Variants in NDST3 observed in about 807,000 individuals in gnomAD.
The protein encoded by NDST3 is N-deacetylase and N-sulfotransferase 3, also known as bifunctional heparan sulfate N-deacetylase/N-sulfotransferase 3.
In NDST3, 58 loss-of-function variants were observed where a neutral mutation model predicts 96.1. That is an observed-to-expected ratio of 0.60 (90% CI 0.49 to 0.75). The LOEUF (loss-of-function observed/expected upper bound fraction) is 0.75. Ranked by LOEUF, NDST3 falls within the 30% of genes least tolerant of loss-of-function variation. The pLI is 0.00. For missense variants in NDST3, 788 were observed against 1,034.2 expected, an observed-to-expected ratio of 0.76 and a Z score of 3.27; for synonymous variants, 333 against 359.7, an observed-to-expected ratio of 0.93 and a Z score of 0.84.
At chr4:118,099,261 G>C (rs1560641779) in intron 2 of NDST3, among the ~76,000 whole-genome samples, 1 of 151,984 alleles carries the variant, frequency 6.6e-6, no homozygotes, top group Non-Finnish European at 1.5e-5. Context: ...GTTCTGCCAT[G>C]GTCATGTATG....
chr4:118,246,319 A>G (rs1046241633), intron 12 of NDST3, among the ~76,000 whole-genome samples: 2 of 152,216 alleles, frequency 1.3e-5, no homozygotes, highest in African/African-American at 4.8e-5. Context: ...AAGAAGCAAG[A>G]TTTAGGCTGG....
At chr4:118,162,521 T>C (rs1466970886) in intron 6 of NDST3, among the ~76,000 whole-genome samples, 1 of 151,854 alleles carries the variant, frequency 6.6e-6, no homozygotes, top group African/African-American at 2.4e-5. Context: ...ATTTAATAAA[T>C]GGTGCTGGGA....
At chr4:118,201,340 G>C (rs1165110858) in intron 6 of NDST3, among the ~76,000 whole-genome samples, 1 of 152,114 alleles carries the variant, frequency 6.6e-6, no homozygotes, top group East Asian at 1.9e-4. Context: ...CCCTGTTTTA[G>C]GTTCTTTGAG....
At position 118,116,632 on chromosome 4, in the gene NDST3, C is replaced by T. The variant is rs180942609; in HGVS notation, c.1224+1672C>T. Among the ~76,000 whole-genome samples the T allele has an allele frequency of 1.4e-4, 22 of 152,106 alleles. No homozygotes were observed. The East Asian group carries it at 2.7e-3, about 19-fold the overall frequency. On this transcript the variant is annotated intron_variant, in intron 4 of 13. Coordinates refer to ENST00000296499, the MANE Select transcript of NDST3 (RefSeq NM_004784.3). ...CAGCACTTTGGGAGGCCGAGGTGGGCGGATCACGAGGTCAGGAGATCGAGA... is the reference window on the plus strand; with the variant it reads ...CAGCACTTTGGGAGGCCGAGGTGGGTGGATCACGAGGTCAGGAGATCGAGA...
intron 2 of NDST3, among the ~76,000 whole-genome samples, chr4:118,082,095 C>T (rs1728069497): frequency 6.6e-6 from 1 of 152,140 alleles, no homozygotes; most frequent in Middle Eastern, 3.2e-3. Flanking sequence ...CACACAAATT[C>T]CTATCACAAA....
intron 6 of NDST3, among the ~76,000 whole-genome samples, chr4:118,211,412 C>A (rs1047957130): frequency 6.7e-6 from 1 of 150,286 alleles, no homozygotes; most frequent in Non-Finnish European, 1.5e-5. Flanking sequence ...GATTTTTATA[C>A]CATGAATATA....
chr4:118,173,890 G>A (rs966389770), intron 6 of NDST3, among the ~76,000 whole-genome samples: 38 of 152,170 alleles, frequency 2.5e-4, no homozygotes, highest in African/African-American at 8.0e-4. Flanking sequence ...AACACAAGCT[G>A]ATTCTTAAAC....
intron 6 of NDST3, among the ~76,000 whole-genome samples, chr4:118,148,944 A>C (rs1734166437): frequency 6.6e-6 from 1 of 152,134 alleles, no homozygotes; most frequent in Non-Finnish European, 1.5e-5. Context: ...AGGTGTAAGG[A>C]AGGGATCCAG....
rs539618590 is a variant in NDST3, at chr4:118,067,155, T to C, written c.981+12264T>C. Among the ~76,000 whole-genome samples, 386 of 151,594 alleles carry C rather than the reference T, an allele frequency of 2.5e-3. 1 individual carries two copies. The highest frequency in any genetic ancestry group is 8.6e-3 in the African/African-American group (357 of 41,392). ...ATAGTTATATCCTGCCAAACTCAGA[T>C]TTCTGATATGCTGAAAAATACTTCT... On this transcript the variant is annotated intron_variant, in intron 2 of 13. Transcript: ENST00000296499.
Position 118,256,075 on chromosome 4 carries a change from T to C in NDST3, c.*363T>C, listed in dbSNP as rs1462257148. The C allele has an allele frequency of 2.6e-5, 4 of 154,872 alleles. No homozygotes were observed. Among genetic ancestry groups the C allele is most frequent in the Admixed American group, 1.3e-4 (2 of 15,368 alleles). The allele number at this position is 154,872 out of a possible 1,614,324, so 9.6% of individuals were successfully genotyped here. A position where few individuals can be genotyped will look rare whatever the true frequency, so the allele number is the denominator to read the frequency against. On this transcript the variant is annotated 3_prime_UTR_variant, in exon 14 of 14. Transcript: ENST00000296499. ...CTAAGATTGTGTCTCTGTAGGTTTT[T>C]AGACCACTGTTTGCCTGTACGATGT... is the stretch of plus-strand genomic sequence containing the variant.
chr4:118,127,182 G>A (rs1330206874), intron 4 of NDST3, among the ~76,000 whole-genome samples: 1 of 151,940 alleles, frequency 6.6e-6, no homozygotes, highest in Non-Finnish European at 1.5e-5. Context: ...TTGCTGTGTA[G>A]AAGCATTTTA....
At chr4:118,150,759 A>T (rs921553845) in intron 6 of NDST3, among the ~76,000 whole-genome samples, 1 of 151,462 alleles carries the variant, frequency 6.6e-6, no homozygotes, top group African/African-American at 2.4e-5. Context: ...GAGGATGTGG[A>T]GAAATAGGAA....
chr4:118,238,442 TGTTTCGGTGA>T (rs1740822641), intron 10 of NDST3, among the ~76,000 whole-genome samples: 1 of 152,274 alleles, frequency 6.6e-6, no homozygotes, highest in East Asian at 1.9e-4. Context: ...TTTTAAAACT[TGTTTCGGTGA>T]TAATTTAACC....
chr4:118,102,346 G>A (rs1729830135), intron 2 of NDST3, among the ~76,000 whole-genome samples: 1 of 152,002 alleles, frequency 6.6e-6, no homozygotes, highest in Non-Finnish European at 1.5e-5. Context: ...TGCCTCTTCA[G>A]ACAATCGTGA....
chr4:118,182,896 T>C (rs1372155348), intron 6 of NDST3, among the ~76,000 whole-genome samples: 7 of 152,188 alleles, frequency 4.6e-5, no homozygotes, highest in Admixed American at 4.6e-4. Flanking sequence ...AGAAAGCCTA[T>C]GCCTGTGCTC....
At chr4:118,087,466 T>C (rs1728521279) in intron 2 of NDST3, among the ~76,000 whole-genome samples, 1 of 152,112 alleles carries the variant, frequency 6.6e-6, no homozygotes. Context: ...ATTCACAGAT[T>C]CAGGGAACCT....
intron 2 of NDST3, among the ~76,000 whole-genome samples, chr4:118,061,669 A>AT (rs1232953323): frequency 7.9e-5 from 12 of 152,066 alleles, no homozygotes; most frequent in African/African-American, 2.9e-4. Flanking sequence ...TTAGGGCAAG[A>AT]TTTTTTTCAT....
intron 6 of NDST3, among the ~76,000 whole-genome samples, chr4:118,161,128 AG>A (rs1463615386): frequency 6.6e-6 from 1 of 152,220 alleles, no homozygotes; most frequent in Non-Finnish European, 1.5e-5. Flanking sequence ...AGTTTGCTAG[AG>A]GTCCACTCCA....
chr4:118,119,877 C>T (rs1332489314), intron 4 of NDST3, among the ~76,000 whole-genome samples: 1 of 152,146 alleles, frequency 6.6e-6, no homozygotes. Flanking sequence ...CTCCAGCTGT[C>T]CAGCTGGCAG....
Sources: gnomAD v4.1 joint callset for allele counts (sites outside exome capture counted in the v4.1 genomes callset) on GRCh38, gnomAD v4.1.1 for gene constraint, MANE v1.5 for transcripts, NCBI Gene and HGNC (gene_info 2026-07-23, HGNC 2026-07-21) for gene names.